WDR43: variants seen among roughly 807,000 people sequenced by gnomAD.
The protein encoded by WDR43 is WD repeat-containing protein 43.
WDR43 carries 13 observed loss-of-function variants against 91.4 expected under a neutral mutation model. The observed-to-expected ratio is 0.14, with a 90% CI of 0.09 to 0.23. The LOEUF is 0.23. Ranked by LOEUF, WDR43 falls within the 10% of genes least tolerant of loss-of-function variation. The pLI, the probability that WDR43 is intolerant of heterozygous loss-of-function variation, is 1.00. For missense variants in WDR43, 780 were observed against 809.4 expected, an observed-to-expected ratio of 0.96 and a Z score of 0.44; for synonymous variants, 331 against 287.9, an observed-to-expected ratio of 1.15 and a Z score of -1.51.
At chr2:28,907,764 C>T (rs1016004023) in intron 3 of WDR43, among the ~76,000 whole-genome samples, 1 of 151,966 alleles carries the variant, frequency 6.6e-6, no homozygotes, top group African/African-American at 2.4e-5. Flanking sequence ...ATTAGCTGGG[C>T]GTGGTGGCGG....
intron 2 of WDR43, among the ~76,000 whole-genome samples, chr2:28,904,616 A>G (rs1333733828): frequency 6.6e-6 from 1 of 152,234 alleles, no homozygotes; most frequent in Non-Finnish European, 1.5e-5. Context: ...ATTACTAACA[A>G]GGTTGAATAT....
At position 28,941,586 on chromosome 2, in the gene WDR43, A is replaced by C. The variant is rs753057575; in HGVS notation, c.1734+12A>C. 1 of 1,588,076 alleles carries C rather than the reference A, an allele frequency of 6.3e-7. No homozygotes were observed. The highest frequency in any genetic ancestry group is 8.6e-7 in the Non-Finnish European group (1 of 1,161,696). On this transcript the variant is annotated intron_variant, in intron 15 of 17. Coordinates refer to ENST00000407426, the MANE Select transcript of WDR43 (RefSeq NM_015131.3). ...TTCTAATTACACAAGTGAGTAAATC[A>C]TATTGTTCTGGGCTAAAACTTTTGG... is the stretch of plus-strand genomic sequence containing the variant.
intron 1 of WDR43, among the ~76,000 whole-genome samples, chr2:28,900,975 G>A (rs1332942890): frequency 3.9e-5 from 6 of 152,190 alleles, no homozygotes. Context: ...CACTCTTTAT[G>A]CACTGGTAAC....
intron 6 of WDR43, among the ~76,000 whole-genome samples, chr2:28,921,683 T>TG (rs1204413700): frequency 1.3e-5 from 2 of 152,142 alleles, no homozygotes; most frequent in African/African-American, 4.8e-5. Flanking sequence ...GAAAATTTGA[T>TG]GGCGGAGAAA....
chr2:28,922,353 A>G (rs1380858769), intron 6 of WDR43, among the ~76,000 whole-genome samples: 1 of 152,232 alleles, frequency 6.6e-6, no homozygotes, highest in African/African-American at 2.4e-5. Flanking sequence ...CCAGAACTTT[A>G]AAAAATGAGC....
intron 4 of WDR43, chr2:28,913,791 T>A: frequency 1.6e-6 from 1 of 613,014 alleles, no homozygotes; most frequent in South Asian, 1.4e-5. Flanking sequence ...AGTGAATCTT[T>A]AATTCAAGAA....
chr2:28,914,142 C>T lies in WDR43; in HGVS notation c.680C>T (p.Pro227Leu). ...TTIRPPNESQ[P>L]FDGITGLYFL... ...ATCAGACCTCCTAATGAGAGCCAGC[C>T]CTTTGATGGAATTACAGGTCTTTAT... Residue 227 changes from proline to leucine, a missense_variant, in exon 5 of 18, where the codon CCC becomes CTC. By Grantham distance (98) the Pro-to-Leu change is moderately conservative. Coordinates refer to ENST00000407426, the MANE Select transcript of WDR43 (RefSeq NM_015131.3). The T allele has an allele frequency of 6.2e-7, 1 of 1,613,926 alleles. No individual in the cohort carries two copies. Among genetic ancestry groups the T allele is most frequent in the Non-Finnish European group, 8.5e-7 (1 of 1,179,870 alleles).
intron 15 of WDR43, 43 bp from the exon 16 acceptor site, chr2:28,942,269 A>G (rs369129512): frequency 3.3e-5 from 53 of 1,592,684 alleles, no homozygotes; most frequent in African/African-American, 2.7e-4. Context: ...TACTTGGGAT[A>G]TGTTTACACT....
At chr2:28,907,744 G>C (rs1483177201) in intron 3 of WDR43, among the ~76,000 whole-genome samples, 2 of 151,812 alleles carry the variant, frequency 1.3e-5, no homozygotes, top group African/African-American at 2.4e-5. Flanking sequence ...CTACTACAAA[G>C]ACAAAAAAAA....
intron 1 of WDR43, among the ~76,000 whole-genome samples, chr2:28,896,790 G>T (rs530139507): frequency 6.6e-6 from 1 of 152,242 alleles, no homozygotes; most frequent in East Asian, 1.9e-4. Context: ...TCATAGCCCA[G>T]ACTCAAAACT....
At chr2:28,911,608 T>C (rs1201673454) in intron 3 of WDR43, among the ~76,000 whole-genome samples, 1 of 150,900 alleles carries the variant, frequency 6.6e-6, no homozygotes, top group Non-Finnish European at 1.5e-5. Flanking sequence ...AATAACCTCT[T>C]TTGTTATTCA....
At chr2:28,924,836 A>C (rs1316690800) in intron 7 of WDR43, 146 bp from the exon 8 acceptor site, 1 of 818,694 alleles carries the variant, frequency 1.2e-6, no homozygotes, top group Non-Finnish European at 1.9e-6. Context: ...TGAAAGGAGT[A>C]CTCATGCTCC....
intron 7 of WDR43, among the ~76,000 whole-genome samples, 177 bp from the exon 8 acceptor site, chr2:28,924,805 A>T (rs1239394438): frequency 6.6e-6 from 1 of 152,088 alleles, no homozygotes; most frequent in East Asian, 1.9e-4. Context: ...TTTTGAGTAT[A>T]GGTAGAGGTA....
chr2:28,908,899 T>C (rs1290217322), intron 3 of WDR43, among the ~76,000 whole-genome samples: 2 of 152,216 alleles, frequency 1.3e-5, no homozygotes. Context: ...TTAATTATTG[T>C]TACAGCTGAG....
chr2:28,935,210 AT>A (rs936687551), intron 11 of WDR43, among the ~76,000 whole-genome samples: 2 of 152,200 alleles, frequency 1.3e-5, no homozygotes, highest in African/African-American at 4.8e-5. Context: ...GTTTGGGAAC[AT>A]CTTTAAAGTG....
intron 14 of WDR43, among the ~76,000 whole-genome samples, chr2:28,940,779 A>G (rs886322153): frequency 6.6e-6 from 1 of 152,208 alleles, no homozygotes; most frequent in African/African-American, 2.4e-5. Flanking sequence ...GCAAATTACC[A>G]TTGTTTTATT....
intron 13 of WDR43, 72 bp from the exon 14 acceptor site, chr2:28,937,859 G>T: frequency 6.9e-7 from 1 of 1,445,954 alleles, no homozygotes; most frequent in Non-Finnish European, 9.6e-7. Flanking sequence ...TGTCTGTCTG[G>T]GTTTTCTAAC....
intron 2 of WDR43, among the ~76,000 whole-genome samples, chr2:28,905,724 G>A (rs1187806640): frequency 7.3e-5 from 11 of 150,722 alleles, no homozygotes; most frequent in African/African-American, 2.4e-4. Flanking sequence ...GGAGGCAATG[G>A]CGCAATCTTG....
At chr2:28,937,907 G>A (rs1166295449) in intron 13 of WDR43, 24 bp from the exon 14 acceptor site, 1 of 1,612,006 alleles carries the variant, frequency 6.2e-7, no homozygotes, top group East Asian at 2.2e-5. Context: ...GTGAACATTA[G>A]TTTACTTGGA....
Sources: allele counts gnomAD v4.1 joint callset (sites outside exome capture counted in the v4.1 genomes callset), GRCh38; gene constraint gnomAD v4.1.1; transcripts MANE v1.5; gene names NCBI Gene and HGNC (gene_info 2026-07-23, HGNC 2026-07-21).